OCA2: variants seen among roughly 807,000 people sequenced by gnomAD.
OCA2 encodes the protein P protein.
A neutral mutation model predicts 100.2 loss-of-function variants in OCA2; 77 were observed. That is an observed-to-expected ratio of 0.77 (90% CI 0.64 to 0.93). The LOEUF is 0.93. Among genes scored for constraint, OCA2 ranks in the 40% least tolerant of loss-of-function variants. The pLI, the probability that OCA2 is intolerant of heterozygous loss-of-function variation, is 0.00. For synonymous variants in OCA2, 432 were observed against 439.2 expected, an observed-to-expected ratio of 0.98 and a Z score of 0.21; for missense variants, 1,062 against 1,089.1, an observed-to-expected ratio of 0.98 and a Z score of 0.35.
At chr15:27,729,985 A>G in the OCA2 span, among the ~76,000 whole-genome samples, 1 of 152,174 alleles carries the variant, frequency 6.6e-6, no homozygotes, top group Non-Finnish European at 1.5e-5. Flanking sequence ...CTCTGACAAC[A>G]ACTAGGTGTC....
At chr15:28,033,757 C>T (rs2141395648) in intron 2 of OCA2, among the ~76,000 whole-genome samples, 1 of 152,306 alleles carries the variant, frequency 6.6e-6, no homozygotes, top group East Asian at 1.9e-4. Flanking sequence ...TAATAATTAG[C>T]ATGCTTTTAG....
At chr15:27,912,385 C>A (rs969587641) in intron 19 of OCA2, among the ~76,000 whole-genome samples, 7 of 151,990 alleles carry the variant, frequency 4.6e-5, no homozygotes, top group Non-Finnish European at 5.9e-5. Context: ...CAAAATGATT[C>A]AGGAACATTT....
At chr15:27,824,852 C>T (rs1343498907) in intron 23 of OCA2, among the ~76,000 whole-genome samples, 8 of 151,696 alleles carry the variant, frequency 5.3e-5, no homozygotes, top group Non-Finnish European at 8.8e-5. Context: ...GACAGGCCTC[C>T]GTGGATGCCA....
At chr15:28,006,668 G>C (rs1314378551) in intron 9 of OCA2, among the ~76,000 whole-genome samples, 3 of 152,168 alleles carry the variant, frequency 2.0e-5, no homozygotes, top group African/African-American at 4.8e-5. Context: ...GGTATCTCTG[G>C]AACAAGGTAA....
intron 2 of OCA2, among the ~76,000 whole-genome samples, chr15:28,071,172 T>TAAAAA (rs756669802): frequency 7.9e-6 from 1 of 126,066 alleles, no homozygotes; most frequent in African/African-American, 2.8e-5. Flanking sequence ...AAAAATAAAT[T>TAAAAA]AAAAAAAAAA....
chr15:27,806,286 T>A (rs889853647), intron 23 of OCA2, among the ~76,000 whole-genome samples: 2 of 152,232 alleles, frequency 1.3e-5, no homozygotes, highest in African/African-American at 2.4e-5. Context: ...AATAGTTGTT[T>A]TTCATTGTGC....
intron 23 of OCA2, among the ~76,000 whole-genome samples, chr15:27,833,390 A>G (rs562269806): frequency 5.3e-5 from 8 of 152,312 alleles, no homozygotes; most frequent in Non-Finnish European, 1.0e-4. Context: ...AGGTTATGAG[A>G]TAAGCACCTT....
chr15:28,069,384 CCCCCTCCCCCTCCCCCTCCCCT>C lies in OCA2; in HGVS notation c.227+12242_227+12263del, dbSNP rs1566862418. Among the ~76,000 whole-genome samples the C allele has an allele frequency of 2.9e-4, 3 of 10,450 alleles. No homozygotes were observed. In the African/African-American group the frequency reaches 4.2e-3, roughly 15 times the overall value. The allele number at this position is 10,450 out of a possible 152,430, so 6.9% of individuals were successfully genotyped here. ...TCTCCCTCTCCCTCTCCCTCTCCCT[CCCCCTCCCCCTCCCCCTCCCCT>C]TCCCCCTCCCCCTCCCCCTCCCCCT... On this transcript the variant is annotated intron_variant, in intron 2 of 23. Transcript: ENST00000354638.
At chr15:28,034,693 C>T (rs932490822) in intron 2 of OCA2, among the ~76,000 whole-genome samples, 5 of 152,118 alleles carry the variant, frequency 3.3e-5, no homozygotes, top group Non-Finnish European at 5.9e-5. Context: ...GGATTGATTG[C>T]TTGAGCCTGA....
chr15:27,915,389 A>G (rs2038628114), intron 19 of OCA2, among the ~76,000 whole-genome samples: 1 of 152,220 alleles, frequency 6.6e-6, no homozygotes, highest in Non-Finnish European at 1.5e-5. Context: ...GAGCTTCTAC[A>G]TAACAAAAGA....
At chr15:28,009,037 T>A (rs951300042) in intron 9 of OCA2, among the ~76,000 whole-genome samples, 3 of 152,208 alleles carry the variant, frequency 2.0e-5, no homozygotes, top group African/African-American at 7.2e-5. Context: ...GAGTAGATCC[T>A]AGGAATAATG....
intron 18 of OCA2, chr15:27,950,522 G>A (rs769272191): frequency 3.9e-6 from 2 of 518,334 alleles, no homozygotes; most frequent in African/African-American, 1.9e-5. Context: ...GCTCTCAGGT[G>A]TGGATAAATA....
chr15:27,990,378 G>A (rs1196657181), intron 10 of OCA2, among the ~76,000 whole-genome samples, 198 bp downstream of exon 10: 1 of 152,232 alleles, frequency 6.6e-6, no homozygotes, highest in African/African-American at 2.4e-5. Context: ...TGGGATGTGA[G>A]TGTGTGACAA....
At chr15:28,084,775 C>T (rs2044747326) in intron 1 of OCA2, among the ~76,000 whole-genome samples, 1 of 152,214 alleles carries the variant, frequency 6.6e-6, no homozygotes, top group Non-Finnish European at 1.5e-5. Flanking sequence ...TGTTTTGTTA[C>T]AGGAGGCCCC....
the OCA2 span, among the ~76,000 whole-genome samples, chr15:27,736,158 T>C: frequency 3.3e-5 from 5 of 152,338 alleles, no homozygotes; most frequent in Middle Eastern, 3.4e-3. Flanking sequence ...GTACATGTTA[T>C]ATTCATAAAA....
At chr15:27,905,798 G>A (rs186213242) in intron 19 of OCA2, among the ~76,000 whole-genome samples, 32 of 152,290 alleles carry the variant, frequency 2.1e-4, no homozygotes, top group Non-Finnish European at 1.0e-4. Flanking sequence ...TAGTGCAAAC[G>A]CTATCAGGAG....
At chr15:28,006,132 T>G (rs1224653649) in intron 9 of OCA2, among the ~76,000 whole-genome samples, 1 of 152,108 alleles carries the variant, frequency 6.6e-6, no homozygotes, top group Non-Finnish European at 1.5e-5. Context: ...CACAGAGAAT[T>G]CCCAGAACAG....
At chr15:27,862,538 G>T (rs1323248935) in intron 21 of OCA2, among the ~76,000 whole-genome samples, 1 of 150,168 alleles carries the variant, frequency 6.7e-6, no homozygotes, top group Admixed American at 6.6e-5. Flanking sequence ...GAAGTGGTGC[G>T]ATCTCGGCTC....
intron 23 of OCA2, among the ~76,000 whole-genome samples, chr15:27,783,424 T>C (rs1000420608): frequency 6.6e-6 from 1 of 152,174 alleles, no homozygotes; most frequent in African/African-American, 2.4e-5. Flanking sequence ...ACTACCAATT[T>C]TGTAATAAAA....
Sources: allele counts gnomAD v4.1 joint callset (sites outside exome capture counted in the v4.1 genomes callset), GRCh38; gene constraint gnomAD v4.1.1; transcripts MANE v1.5; gene names NCBI Gene and HGNC (gene_info 2026-07-23, HGNC 2026-07-21).